Variants in RPTOR observed in about 807,000 individuals in gnomAD.
RPTOR encodes the protein regulatory associated protein of MTOR complex 1, also known as regulatory-associated protein of mTOR.
A neutral mutation model predicts 169.9 loss-of-function variants in RPTOR; 21 were observed. The ratio of observed to expected loss-of-function variants is 0.12; its 90% CI spans 0.09 to 0.18. The LOEUF (loss-of-function observed/expected upper bound fraction) is 0.18. Among genes scored for constraint, RPTOR ranks in the 10% least tolerant of loss-of-function variants. The pLI is 1.00. For missense variants in RPTOR, 1,133 were observed against 1,855.9 expected (o/e 0.61, Z 7.16); for synonymous variants, 732 against 753.2 (o/e 0.97, Z 0.46).
chr17:80,729,890 C>T (rs1380221520), intron 4 of RPTOR, among the ~76,000 whole-genome samples: 1 of 151,996 alleles, frequency 6.6e-6, no homozygotes, highest in Admixed American at 6.6e-5. Context: ...CCATGGGGTA[C>T]ATGAGGGAAG....
chr17:80,865,240 G>A (rs570517890), intron 13 of RPTOR, among the ~76,000 whole-genome samples: 43 of 152,282 alleles, frequency 2.8e-4, no homozygotes, highest in Non-Finnish European at 4.1e-4. Flanking sequence ...AACACGGAAG[G>A]AAAAAGATAA....
intron 1 of RPTOR, among the ~76,000 whole-genome samples, chr17:80,588,236 C>G (rs2065078445): frequency 1.3e-5 from 2 of 149,454 alleles, no homozygotes; most frequent in South Asian, 4.3e-4. Flanking sequence ...AATCTCGGCT[C>G]ACTGCAACCT....
chr17:80,812,633 G>A lies in RPTOR; in HGVS notation c.891-9568G>A, dbSNP rs570810461. Reference sequence around the variant, plus strand: ...GCTTCCAAGAGAGGTGGCCCCAAACGAAAGCTCAACCCCTGGCTTCCCCTC... The same window carrying A: ...GCTTCCAAGAGAGGTGGCCCCAAACAAAAGCTCAACCCCTGGCTTCCCCTC... On this transcript the variant is annotated intron_variant, in intron 7 of 33. Transcript: ENST00000306801. Among the ~76,000 whole-genome samples the A allele has an allele frequency of 1.1e-4, 16 of 152,256 alleles. 1 individual carries two copies. In the South Asian group the frequency reaches 2.9e-3, roughly 28 times the overall value.
intron 20 of RPTOR, among the ~76,000 whole-genome samples, chr17:80,902,192 A>T (rs374929221): frequency 1.3e-4 from 20 of 152,184 alleles, no homozygotes; most frequent in Admixed American, 8.5e-4. Flanking sequence ...TCTGCAGACC[A>T]CAACTGGGCA....
At position 80,847,990 on chromosome 17, in the gene RPTOR, G is replaced by A. The variant is rs536013135; in HGVS notation, c.1314+1416G>A. ...CTGTGCTGCAGCAGTGGCAGCCAGCGTCGCAGGCGTGCTGTAGGACTGAGG... is the reference window on the plus strand; with the variant it reads ...CTGTGCTGCAGCAGTGGCAGCCAGCATCGCAGGCGTGCTGTAGGACTGAGG... On this transcript the variant is annotated intron_variant, in intron 11 of 33. Coordinates refer to ENST00000306801, the MANE Select transcript of RPTOR (RefSeq NM_020761.3). Among the ~76,000 whole-genome samples the A allele has an allele frequency of 5.9e-5, 9 of 152,380 alleles. No individual in the cohort carries two copies. The East Asian group carries it at 1.4e-3, about 23-fold the overall frequency.
At chr17:80,737,101 C>T (rs1349973807) in intron 5 of RPTOR, among the ~76,000 whole-genome samples, 4 of 152,118 alleles carry the variant, frequency 2.6e-5, no homozygotes, top group Non-Finnish European at 5.9e-5. Flanking sequence ...TCTAAGTTGT[C>T]TCTGTTTCCT....
rs1469741915 is a variant in RPTOR at position 80,592,028 on chromosome 17, C to T, written c.163-33663C>T. Reference sequence around the variant, plus strand: ...TTCTTGTGATGGATGCTTACTCATCCTCAGCTTTCTTTCTTCTCTTACATT... The same window carrying T: ...TTCTTGTGATGGATGCTTACTCATCTTCAGCTTTCTTTCTTCTCTTACATT... On this transcript the variant is annotated intron_variant, in intron 1 of 33. Coordinates refer to ENST00000306801, the MANE Select transcript of RPTOR (RefSeq NM_020761.3). Among the ~76,000 whole-genome samples, 15 of 152,180 alleles carry T rather than the reference C, an allele frequency of 9.9e-5. 1 individual carries two copies.
At chr17:80,622,892 G>C (rs1456120502) in intron 1 of RPTOR, among the ~76,000 whole-genome samples, 2 of 152,132 alleles carry the variant, frequency 1.3e-5, no homozygotes, top group Non-Finnish European at 2.9e-5. Context: ...GACAGAGTGA[G>C]ACCCCACCTC....
rs553194353 is a variant in RPTOR, at chr17:80,959,958, A to T, written c.3478-120A>T. On this transcript the variant is annotated intron_variant, in intron 29 of 33. Transcript: ENST00000306801. The surrounding 1 kb of genome is among the most constrained non-coding windows in gnomAD (Gnocchi z 6.7). ...CCTGGATAGAGAGAAAGGCCCCTGC[A>T]GCCAGGGAGGGTGATCCCCACAGCC... is the stretch of plus-strand genomic sequence containing the variant. 4.8e-6 allele frequency: 6 copies of T among 1,252,770 alleles called. No homozygotes were observed. The Admixed American group carries it at 7.6e-5, about 16-fold the overall frequency. 77.6% of individuals were successfully genotyped at this position (1,252,770 alleles called of 1,614,324 possible).
intron 6 of RPTOR, among the ~76,000 whole-genome samples, chr17:80,771,252 C>T (rs1251943434): frequency 6.6e-6 from 1 of 152,208 alleles, no homozygotes; most frequent in Non-Finnish European, 1.5e-5. Flanking sequence ...CGTACTTCTG[C>T]CTGTGAGAAA....
Position 80,545,603 on chromosome 17 carries a change from A to G in RPTOR, c.-27A>G. 1 of 1,568,032 alleles carries G rather than the reference A, an allele frequency of 6.4e-7. No individual in the cohort carries two copies. The highest frequency in any genetic ancestry group is 8.7e-7 in the Non-Finnish European group (1 of 1,155,096). On this transcript the variant is annotated 5_prime_UTR_variant, in exon 1 of 34. Coordinates refer to ENST00000306801, the MANE Select transcript of RPTOR (RefSeq NM_020761.3). ...GGAGGTTCTCGAGCGCTTGCTGCCAAGGACTCCCCCACCCCCTCCCCCACT... is the reference window on the plus strand; with the variant it reads ...GGAGGTTCTCGAGCGCTTGCTGCCAGGGACTCCCCCACCCCCTCCCCCACT...
At chr17:80,760,577 C>T (rs996997851) in intron 6 of RPTOR, among the ~76,000 whole-genome samples, 1 of 152,158 alleles carries the variant, frequency 6.6e-6, no homozygotes, top group Non-Finnish European at 1.5e-5. Flanking sequence ...GCTGAGATTA[C>T]AGGCACGAGC....
chr17:80,626,443 A>G (rs1400327751), intron 2 of RPTOR, among the ~76,000 whole-genome samples: 1 of 152,140 alleles, frequency 6.6e-6, no homozygotes, highest in Admixed American at 6.6e-5. Flanking sequence ...TGATACCTGC[A>G]TGGAAATGTA....
chr17:80,749,728 C>T (rs1263998874), intron 5 of RPTOR, among the ~76,000 whole-genome samples: 1 of 152,042 alleles, frequency 6.6e-6, no homozygotes, highest in East Asian at 1.9e-4. Flanking sequence ...TTTTGTTTGT[C>T]TTTAGAGATG....
intron 7 of RPTOR, among the ~76,000 whole-genome samples, chr17:80,808,802 TG>T (rs1297365585): frequency 1.3e-5 from 2 of 152,250 alleles, no homozygotes; most frequent in African/African-American, 4.8e-5. Context: ...GTCTCTTCCT[TG>T]GCTCAGAATC....
chr17:80,547,363 G>C (rs927543404), intron 1 of RPTOR, among the ~76,000 whole-genome samples: 2 of 152,142 alleles, frequency 1.3e-5, no homozygotes, highest in Non-Finnish European at 2.9e-5. Context: ...ATTTTGAAAT[G>C]TGGTTCTCTC....
At chr17:80,884,482 A>C (rs1420986913) in intron 16 of RPTOR, among the ~76,000 whole-genome samples, 1 of 152,110 alleles carries the variant, frequency 6.6e-6, no homozygotes, top group Non-Finnish European at 1.5e-5. Flanking sequence ...AGAGCTGAGG[A>C]AGCAGACTCA....
Position 80,962,448 on chromosome 17 carries a change from C to T in RPTOR, c.3693-13C>T, listed in dbSNP as rs2069356219. On this transcript the variant is annotated splice_polypyrimidine_tract_variant and intron_variant, in intron 31 of 33. Coordinates refer to ENST00000306801, the MANE Select transcript of RPTOR (RefSeq NM_020761.3). ...CTCCGGGAGGAGGTGTCACTGTGACCCTCTCTTGGCAGCGTCAATGGAGAT... is the reference window on the plus strand; with the variant it reads ...CTCCGGGAGGAGGTGTCACTGTGACTCTCTCTTGGCAGCGTCAATGGAGAT... 4.4e-6 allele frequency: 7 copies of T among 1,608,970 alleles called. No homozygotes were observed. The highest frequency in any genetic ancestry group is 5.1e-6 in the Non-Finnish European group (6 of 1,175,868).
At chr17:80,940,413 G>A in intron 24 of RPTOR, 83 bp from the exon 25 acceptor site, 2 of 1,189,210 alleles carry the variant, frequency 1.7e-6, no homozygotes, top group South Asian at 1.4e-5. Flanking sequence ...TATCCGAGGG[G>A]TCCTAGAACC....
Sources: allele counts gnomAD v4.1 joint callset (sites outside exome capture counted in the v4.1 genomes callset), GRCh38; gene constraint gnomAD v4.1.1; non-coding constraint Gnocchi (gnomAD v3.1); transcripts MANE v1.5; gene names NCBI Gene and HGNC (gene_info 2026-07-23, HGNC 2026-07-21).